Variants in CNTLN observed in about 807,000 individuals in gnomAD.
CNTLN encodes the protein centlein.
Under a neutral mutation model 180.0 loss-of-function variants are expected in CNTLN, and 212 were observed. That is an observed-to-expected ratio of 1.18 (90% CI 1.05 to 1.32). CNTLN has a LOEUF of 1.32. Ranked by LOEUF, CNTLN falls within the 40% of genes most tolerant of loss-of-function variation. CNTLN has a pLI of 0.00. For missense variants in CNTLN, 2,095 were observed against 1,610.9 expected (o/e 1.30, Z -5.14); for synonymous variants, 722 against 563.1 (o/e 1.28, Z -3.99).
intron 25 of CNTLN, among the ~76,000 whole-genome samples, chr9:17,492,650 G>T (rs904748629): frequency 6.6e-6 from 1 of 152,104 alleles, no homozygotes; most frequent in Non-Finnish European, 1.5e-5. Context: ...ATGTAAAAGG[G>T]TGCTGTTATT....
intron 12 of CNTLN, among the ~76,000 whole-genome samples, chr9:17,356,428 C>G (rs1822856175): frequency 6.6e-6 from 1 of 152,102 alleles, no homozygotes. Flanking sequence ...AGCCTATGGT[C>G]AATTATATTC....
rs535614124 is a variant in CNTLN, at chr9:17,470,930, T to C, written c.3855+4039T>C. 4.6e-5 allele frequency among the ~76,000 whole-genome samples: 7 copies of C among 152,190 alleles called. No homozygotes were observed. In the South Asian group the frequency reaches 1.4e-3, roughly 32 times the overall value. Reference sequence around the variant, plus strand: ...TGAATACATTTGTGGAGCATTAGAATTTTAATTTTACACATACAATTGTTA... The same window carrying C: ...TGAATACATTTGTGGAGCATTAGAACTTTAATTTTACACATACAATTGTTA... On this transcript the variant is annotated intron_variant, in intron 23 of 25. Transcript: ENST00000380647.
intron 12 of CNTLN, among the ~76,000 whole-genome samples, chr9:17,356,153 T>A (rs1289363094): frequency 2.0e-5 from 3 of 151,768 alleles, no homozygotes; most frequent in Admixed American, 2.0e-4. Context: ...AATATTAAGG[T>A]CAGAGATAAT....
At position 17,240,860 on chromosome 9, in the gene CNTLN, C is replaced by G. The variant is rs1825441302; in HGVS notation, c.849+4272C>G. On this transcript the variant is annotated intron_variant, in intron 5 of 25. Coordinates refer to ENST00000380647, the MANE Select transcript of CNTLN (RefSeq NM_017738.4). ...TAGAGTTCCTGCAATGTTTTCTTTT[C>G]CTTTTTTTTTATTTTTGAGGTGGAG... Among the ~76,000 whole-genome samples, 4 of 152,004 alleles carry G rather than the reference C, an allele frequency of 2.6e-5. No homozygotes were observed. In the South Asian group the frequency reaches 6.3e-4, roughly 24 times the overall value.
At chr9:17,505,557 T>C (rs1028359667), downstream of CNTLN, among the ~76,000 whole-genome samples, 2 of 152,118 alleles carry the variant, frequency 1.3e-5, no homozygotes, top group South Asian at 2.1e-4. Context: ...AAAAGAGAAA[T>C]ACTTAGGTAT....
At chr9:17,365,254 C>G (rs925022619) in intron 12 of CNTLN, among the ~76,000 whole-genome samples, 2 of 152,154 alleles carry the variant, frequency 1.3e-5, no homozygotes, top group African/African-American at 4.8e-5. Context: ...TAGCACCTCC[C>G]TCTGTGCTCT....
chr9:17,250,748 G>A (rs1416726131), intron 5 of CNTLN, among the ~76,000 whole-genome samples: 3 of 151,946 alleles, frequency 2.0e-5, no homozygotes, highest in Non-Finnish European at 4.4e-5. Flanking sequence ...GTTTTTATGT[G>A]TTTGTTTTTG....
chr9:17,502,646 T>C lies in CNTLN; in HGVS notation c.4215T>C (p.Ile1405=). Residue 1405 remains isoleucine, a synonymous_variant, in exon 26 of 26, where the codon ATT becomes ATC. Coordinates refer to ENST00000380647, the MANE Select transcript of CNTLN (RefSeq NM_017738.4). ...VEGYFTIMKD[I]R Reference sequence around the variant, plus strand: ...GATATTTCACAATTATGAAAGATATTAGATGATATTAAAATGGAGAGCTTT... The same window carrying C: ...GATATTTCACAATTATGAAAGATATCAGATGATATTAAAATGGAGAGCTTT... The C allele has an allele frequency of 8.1e-7, 1 of 1,228,486 alleles. No individual in the cohort carries two copies. Among genetic ancestry groups the C allele is most frequent in the Non-Finnish European group, 1.1e-6 (1 of 880,648 alleles). 76.1% of individuals were successfully genotyped at this position (1,228,486 alleles called of 1,614,324 possible).
intron 6 of CNTLN, among the ~76,000 whole-genome samples, chr9:17,295,729 C>G (rs1436527027): frequency 6.6e-6 from 1 of 152,056 alleles, no homozygotes; most frequent in Non-Finnish European, 1.5e-5. Flanking sequence ...GTTGTGCGAG[C>G]TTTGCTTGCT....
At chr9:17,420,108 T>C (rs1828594388) in intron 18 of CNTLN, among the ~76,000 whole-genome samples, 1 of 152,132 alleles carries the variant, frequency 6.6e-6, no homozygotes, top group African/African-American at 2.4e-5. Flanking sequence ...GGAGTTGGGG[T>C]TTCACCATGT....
At chr9:17,159,157 A>G (rs1819503677) in intron 2 of CNTLN, among the ~76,000 whole-genome samples, 1 of 151,978 alleles carries the variant, frequency 6.6e-6, no homozygotes, top group African/African-American at 2.4e-5. Context: ...CTGATTTCCA[A>G]TTTTGTTCCA....
rs1362206075 is a variant in CNTLN, at chr9:17,208,968, T to C, written c.450-17235T>C. On this transcript the variant is annotated intron_variant, in intron 2 of 25. Coordinates refer to ENST00000380647, the MANE Select transcript of CNTLN (RefSeq NM_017738.4). ...CATTAATTTATGCTCTGATCTTTAT[T>C]ATTTCTCTTCTAATTTTGTGTTTTG... 2.0e-5 allele frequency among the ~76,000 whole-genome samples: 3 copies of C among 152,222 alleles called. No homozygotes were observed. The East Asian group carries it at 5.8e-4, about 29-fold the overall frequency.
chr9:17,356,076 A>AAAAG (rs149428828), intron 12 of CNTLN, among the ~76,000 whole-genome samples: 5,559 of 140,026 alleles, frequency 0.04, 396 homozygotes, highest in African/African-American at 0.13. Flanking sequence ...AAAAAAAAAA[A>AAAAG]AAAAAGAAAA....
intron 18 of CNTLN, among the ~76,000 whole-genome samples, chr9:17,429,133 A>G (rs570252821): frequency 6.6e-6 from 1 of 152,242 alleles, no homozygotes; most frequent in South Asian, 2.1e-4. Flanking sequence ...ACAAATCTGC[A>G]TAAAACTCAT....
chr9:17,316,985 A>G (rs1194660798), intron 8 of CNTLN, among the ~76,000 whole-genome samples: 2 of 152,070 alleles, frequency 1.3e-5, no homozygotes, highest in Non-Finnish European at 2.9e-5. Flanking sequence ...GCCCATCAGT[A>G]CAGATTTATA....
At chr9:17,277,019 AG>A (rs1828355209) in intron 6 of CNTLN, among the ~76,000 whole-genome samples, 1 of 152,060 alleles carries the variant, frequency 6.6e-6, no homozygotes, top group Non-Finnish European at 1.5e-5. Flanking sequence ...TGCATTAAAA[AG>A]GATAACTAAT....
At chr9:17,193,518 T>C (rs1244783268) in intron 2 of CNTLN, among the ~76,000 whole-genome samples, 2 of 152,128 alleles carry the variant, frequency 1.3e-5, no homozygotes, top group African/African-American at 2.4e-5. Context: ...TCCAAAATTA[T>C]GTCCTTTGAC....
At chr9:17,442,541 G>A (rs1328741579) in intron 18 of CNTLN, among the ~76,000 whole-genome samples, 3 of 152,144 alleles carry the variant, frequency 2.0e-5, no homozygotes, top group African/African-American at 7.2e-5. Context: ...TGGGATTACA[G>A]GCGCGAGCCA....
At chr9:17,349,048 C>G (rs1822153235) in intron 12 of CNTLN, among the ~76,000 whole-genome samples, 1 of 152,078 alleles carries the variant, frequency 6.6e-6, no homozygotes, top group African/African-American at 2.4e-5. Context: ...TAGGAACTAG[C>G]TTGGGGTAGG....
Sources: allele counts gnomAD v4.1 joint callset (sites outside exome capture counted in the v4.1 genomes callset), GRCh38; gene constraint gnomAD v4.1.1; transcripts MANE v1.5; gene names NCBI Gene and HGNC (gene_info 2026-07-23, HGNC 2026-07-21).